Variants in ANKS1B observed in about 807,000 individuals in gnomAD.
The protein encoded by ANKS1B is ankyrin repeat and sterile alpha motif domain-containing protein 1B.
In ANKS1B, 36 loss-of-function variants were observed where a neutral mutation model predicts 148.3. The ratio of observed to expected loss-of-function variants is 0.24; its 90% confidence interval spans 0.19 to 0.32. ANKS1B has a LOEUF of 0.32. Ranked by LOEUF, ANKS1B falls within the 10% of genes least tolerant of loss-of-function variation. The probability of loss-of-function intolerance (pLI) is 1.00; values close to 1 mark genes in which losing one functional copy is unlikely to be tolerated. For missense variants in ANKS1B, 1,157 were observed against 1,542.6 expected, an observed-to-expected ratio of 0.75 and a Z score of 4.19; for synonymous variants, 542 against 560.8, an observed-to-expected ratio of 0.97 and a Z score of 0.47.
chr12:99,283,566 A>G (rs1431319904), intron 12 of ANKS1B, among the ~76,000 whole-genome samples: 2 of 152,198 alleles, frequency 1.3e-5, no homozygotes, highest in Non-Finnish European at 2.9e-5. Context: ...CCTTACTTCA[A>G]CATTTAACTG....
intron 1 of ANKS1B, among the ~76,000 whole-genome samples, chr12:99,951,827 A>G (rs2095230029): frequency 6.6e-6 from 1 of 152,182 alleles, no homozygotes; most frequent in Non-Finnish European, 1.5e-5. Context: ...TGGAGGTTAC[A>G]GTAAGCTGTG....
chr12:99,203,169 T>C (rs1472757659), intron 14 of ANKS1B, among the ~76,000 whole-genome samples: 2 of 152,166 alleles, frequency 1.3e-5, no homozygotes, highest in Non-Finnish European at 2.9e-5. Flanking sequence ...TCTGTAAACC[T>C]GCATTAGATC....
intron 1 of ANKS1B, among the ~76,000 whole-genome samples, chr12:99,958,921 C>A (rs1198757024): frequency 6.6e-6 from 1 of 152,106 alleles, no homozygotes; most frequent in Non-Finnish European, 1.5e-5. Context: ...GCATTTCATA[C>A]CTCCATTGAG....
At chr12:98,821,596 T>C (rs1050856568) in intron 19 of ANKS1B, among the ~76,000 whole-genome samples, 1 of 152,184 alleles carries the variant, frequency 6.6e-6, no homozygotes, top group Admixed American at 6.5e-5. Context: ...CTGGAACTGA[T>C]GGAACGTAAT....
At chr12:99,420,274 T>TA (rs1371730595) in intron 11 of ANKS1B, among the ~76,000 whole-genome samples, 8 of 152,208 alleles carry the variant, frequency 5.3e-5, no homozygotes, top group South Asian at 2.1e-4. Context: ...AATGATAGTT[T>TA]AAAAGAATAT....
At chr12:99,465,545 C>A (rs908117777) in intron 10 of ANKS1B, among the ~76,000 whole-genome samples, 1 of 151,840 alleles carries the variant, frequency 6.6e-6, no homozygotes, top group Non-Finnish European at 1.5e-5. Context: ...ATTCAGGAAA[C>A]CCATCTCACG....
chr12:99,663,743 G>T (rs1050796635), intron 8 of ANKS1B, among the ~76,000 whole-genome samples: 5 of 152,068 alleles, frequency 3.3e-5, no homozygotes, highest in Non-Finnish European at 7.4e-5. Context: ...ATTTATTGAA[G>T]GACAGAATTG....
At chr12:99,226,541 T>C (rs965050016) in intron 14 of ANKS1B, among the ~76,000 whole-genome samples, 6 of 152,222 alleles carry the variant, frequency 3.9e-5, no homozygotes, top group East Asian at 1.9e-4. Flanking sequence ...TATATAATTA[T>C]ATCACATCTA....
At chr12:98,880,710 G>A (rs1463628265) in intron 17 of ANKS1B, among the ~76,000 whole-genome samples, 1 of 152,144 alleles carries the variant, frequency 6.6e-6, no homozygotes, top group African/African-American at 2.4e-5. Flanking sequence ...GGAGCTTGCA[G>A]TGAGCCGAGA....
intron 8 of ANKS1B, among the ~76,000 whole-genome samples, chr12:99,656,136 C>T (rs1236840851): frequency 6.6e-6 from 1 of 152,138 alleles, no homozygotes; most frequent in Non-Finnish European, 1.5e-5. Flanking sequence ...TCTAAGACTA[C>T]AGATATACTG....
chr12:98,894,535 C>T (rs2099759568), intron 17 of ANKS1B: 1 of 979,392 alleles, frequency 1.0e-6, no homozygotes, highest in African/African-American at 1.8e-5. Flanking sequence ...GACTCGGCTT[C>T]CTCCGCCTCT....
chr12:98,745,375 C>CTTTTCTTTTTTTTTTTTTTTT lies in ANKS1B; in HGVS notation c.*363_*364insAAAAAAAAAAAAAAAAGAAAA, dbSNP rs2097857362. 1 of 685,050 alleles carries CTTTTCTTTTTTTTTTTTTTTT rather than the reference C, an allele frequency of 1.5e-6. No individual in the cohort carries two copies. The highest frequency in any genetic ancestry group is 1.7e-6 in the Non-Finnish European group (1 of 582,664). 42.4% of individuals were successfully genotyped at this position (685,050 alleles called of 1,614,324 possible). A position where few individuals can be genotyped will look rare whatever the true frequency, so the allele number is the denominator to read the frequency against. ...TAGGCAGTATTAGAGATCCCCTTTA[C>CTTTTCTTTTTTTTTTTTTTTT]TTTTTTTTTTTTTTTTTTTTTTTTA... On this transcript the variant is annotated 3_prime_UTR_variant, in exon 27 of 27. Transcript: ENST00000683438.
intron 1 of ANKS1B, among the ~76,000 whole-genome samples, chr12:99,870,467 G>A (rs994460825): frequency 3.9e-5 from 6 of 152,140 alleles, no homozygotes; most frequent in Non-Finnish European, 8.8e-5. Flanking sequence ...TAATGTGATT[G>A]TTGAGTCAAA....
chr12:99,760,188 C>A (rs933535696), intron 8 of ANKS1B, among the ~76,000 whole-genome samples: 2 of 151,730 alleles, frequency 1.3e-5, no homozygotes, highest in Non-Finnish European at 3.0e-5. Flanking sequence ...GTGCAAGAAT[C>A]ATTAACAATT....
At chr12:99,613,908 C>G (rs145119804) in intron 9 of ANKS1B, among the ~76,000 whole-genome samples, 2,091 of 151,960 alleles carry the variant, frequency 0.014, 53 homozygotes, top group African/African-American at 0.048. Context: ...CTGCCAATGC[C>G]TGAAACTCAA....
chr12:99,562,320 A>C lies in ANKS1B; in HGVS notation c.1273-57679T>G, dbSNP rs890020556. ...GGTCTATGAGCATTGGCTTCAACTT[A>C]GAATCACCAGCTGCATTCACCCCTG... On this transcript the variant is annotated intron_variant, in intron 9 of 26. Coordinates refer to ENST00000683438, the MANE Select transcript of ANKS1B (RefSeq NM_001352186.2). Among the ~76,000 whole-genome samples, 6 of 152,336 alleles carry C rather than the reference A, an allele frequency of 3.9e-5. No homozygotes were observed. The East Asian group carries it at 9.7e-4, about 25-fold the overall frequency.
At chr12:99,410,953 G>A (rs934418321) in intron 11 of ANKS1B, among the ~76,000 whole-genome samples, 2 of 152,192 alleles carry the variant, frequency 1.3e-5, no homozygotes, top group Non-Finnish European at 2.9e-5. Flanking sequence ...CAGTGGCTCT[G>A]CCCTGCAACT....
rs145082632 is a variant in ANKS1B at position 99,711,656 on chromosome 12, C to T, written c.1129-56446G>A. ...TCAAAACCACAATGAGATACCATCTCGCACCAATCAGAATGGCTATTATTA... is the reference window on the plus strand; with the variant it reads ...TCAAAACCACAATGAGATACCATCTTGCACCAATCAGAATGGCTATTATTA... On this transcript the variant is annotated intron_variant, in intron 8 of 26. Coordinates refer to ENST00000683438, the MANE Select transcript of ANKS1B (RefSeq NM_001352186.2). Among the ~76,000 whole-genome samples the T allele has an allele frequency of 5.2e-3, 797 of 152,130 alleles. 8 individuals carry two copies. The highest frequency in any genetic ancestry group is 0.018 in the African/African-American group (751 of 41,480).
rs568384821 is a variant in ANKS1B at position 99,001,713 on chromosome 12, A to G, written c.2778+51444T>C. ...AATTTCAAGCATGCAGTATGGTATTATTAACCGTAATTATCATGCTGTACT... is the reference window on the plus strand; with the variant it reads ...AATTTCAAGCATGCAGTATGGTATTGTTAACCGTAATTATCATGCTGTACT... On this transcript the variant is annotated intron_variant, in intron 17 of 26. Coordinates refer to ENST00000683438, the MANE Select transcript of ANKS1B (RefSeq NM_001352186.2). 1.2e-4 allele frequency among the ~76,000 whole-genome samples: 19 copies of G among 152,348 alleles called. No homozygotes were observed. The East Asian group carries it at 3.7e-3, about 29-fold the overall frequency.
Sources: gnomAD v4.1 joint callset for allele counts (sites outside exome capture counted in the v4.1 genomes callset) on GRCh38, gnomAD v4.1.1 for gene constraint, MANE v1.5 for transcripts, NCBI Gene and HGNC (gene_info 2026-07-23, HGNC 2026-07-21) for gene names.